CDH18: variants seen among roughly 807,000 people sequenced by gnomAD.
The protein encoded by CDH18 is cadherin-18.
CDH18 carries 31 observed loss-of-function variants against 67.9 expected under a neutral mutation model. The observed-to-expected ratio is 0.46, with a 90% confidence interval of 0.34 to 0.62. The LOEUF is 0.62. Ranked by LOEUF, CDH18 falls within the 20% of genes least tolerant of loss-of-function variation. The pLI is 0.01. For missense variants in CDH18, 890 were observed against 975.5 expected (o/e 0.91, Z 1.17); for synonymous variants, 362 against 347.2 (o/e 1.04, Z -0.48).
intron 1 of CDH18, among the ~76,000 whole-genome samples, chr5:20,404,756 G>A (rs1045145062): frequency 6.6e-6 from 1 of 152,146 alleles, no homozygotes; most frequent in Non-Finnish European, 1.5e-5. Context: ...GATATGAAGT[G>A]AGCACATGCT....
intron 1 of CDH18, among the ~76,000 whole-genome samples, chr5:20,313,621 C>T (rs569855407): frequency 7.2e-5 from 11 of 151,944 alleles, no homozygotes; most frequent in Admixed American, 2.6e-4. Flanking sequence ...AAACAGCCCC[C>T]GAAAGAGATT....
At chr5:20,060,641 A>G (rs1742387784) in intron 2 of CDH18, among the ~76,000 whole-genome samples, 1 of 152,140 alleles carries the variant, frequency 6.6e-6, no homozygotes. Context: ...AAGCATACAT[A>G]ATTTAGTAGA....
At chr5:20,162,303 T>C (rs957212155) in intron 2 of CDH18, among the ~76,000 whole-genome samples, 1 of 151,746 alleles carries the variant, frequency 6.6e-6, no homozygotes, top group African/African-American at 2.4e-5. Context: ...GTTGGTTTTC[T>C]CTTTTTAATT....
rs1330181378 is a variant in CDH18 at position 19,667,743 on chromosome 5, C to T, written c.643+53604G>A. ...TGCTTTACAAAGTTTTATATATTTT[C>T]ATATCTTCATAATGATGAAATATTT... On this transcript the variant is annotated intron_variant, in intron 5 of 12. Transcript: ENST00000382275. 4.6e-5 allele frequency among the ~76,000 whole-genome samples: 7 copies of T among 151,718 alleles called. No individual in the cohort carries two copies. The East Asian group carries it at 1.2e-3, about 25-fold the overall frequency.
At chr5:19,983,209 A>T (rs1355057314) in intron 1 of CDH18, among the ~76,000 whole-genome samples, 1 of 152,084 alleles carries the variant, frequency 6.6e-6, no homozygotes, top group Non-Finnish European at 1.5e-5. Flanking sequence ...TTTTAATATC[A>T]GGTAGACTGA....
At chr5:19,722,800 T>C (rs542163108) in intron 4 of CDH18, among the ~76,000 whole-genome samples, 9 of 152,102 alleles carry the variant, frequency 5.9e-5, no homozygotes, top group Non-Finnish European at 1.3e-4. Context: ...GTAAAAATGT[T>C]TTTACAATCA....
chr5:19,979,646 G>C (rs922467187), intron 2 of CDH18, among the ~76,000 whole-genome samples: 2 of 152,032 alleles, frequency 1.3e-5, no homozygotes, highest in Non-Finnish European at 2.9e-5. Context: ...GTCTGAAAAA[G>C]CAATAATTAT....
chr5:19,755,464 C>CACATATATATATATATATATATAT (rs1282333246), intron 3 of CDH18, among the ~76,000 whole-genome samples: 1 of 81,586 alleles, frequency 1.2e-5, no homozygotes, highest in Non-Finnish European at 2.3e-5. Context: ...TATATACACA[C>CACATATATATATATATATATATAT]ACACACACAC....
At chr5:20,301,624 G>C (rs1406083716) in intron 1 of CDH18, among the ~76,000 whole-genome samples, 2 of 152,132 alleles carry the variant, frequency 1.3e-5, no homozygotes, top group African/African-American at 4.8e-5. Flanking sequence ...CTTGAATTTT[G>C]ACTCTTCTGA....
At chr5:20,012,891 T>C (rs1010674897) in intron 2 of CDH18, among the ~76,000 whole-genome samples, 4 of 151,778 alleles carry the variant, frequency 2.6e-5, no homozygotes, top group Admixed American at 6.6e-5. Context: ...CTACACACAG[T>C]GGGGCCTATC....
At chr5:19,555,164 A>G (rs1738164041) in intron 8 of CDH18, among the ~76,000 whole-genome samples, 1 of 152,182 alleles carries the variant, frequency 6.6e-6, no homozygotes. Context: ...GGCAGGACTA[A>G]CTTGCAGCTC....
At chr5:20,417,159 T>A (rs983623340) in intron 1 of CDH18, among the ~76,000 whole-genome samples, 2 of 152,136 alleles carry the variant, frequency 1.3e-5, no homozygotes, top group Non-Finnish European at 2.9e-5. Flanking sequence ...TTGTTAGATA[T>A]TTTTTCTTTC....
chr5:19,755,427 G>GTATACATATATA (rs1373982305), intron 3 of CDH18, among the ~76,000 whole-genome samples: 18 of 44,672 alleles, frequency 4.0e-4, no homozygotes, highest in African/African-American at 1.1e-3. Context: ...AACTAACAGG[G>GTATACATATATA]TATGTATATA....
At chr5:19,652,598 C>T (rs192910430) in intron 5 of CDH18, among the ~76,000 whole-genome samples, 1 of 152,104 alleles carries the variant, frequency 6.6e-6, no homozygotes, top group African/African-American at 2.4e-5. Context: ...TCACAAAAAT[C>T]AATGCTGCAA....
At chr5:20,559,153 G>GA (rs1353760904) in intron 1 of CDH18, among the ~76,000 whole-genome samples, 2 of 151,290 alleles carry the variant, frequency 1.3e-5, no homozygotes, top group Non-Finnish European at 2.9e-5. Context: ...GTAAGTTTAA[G>GA]AAAAAAATTA....
At chr5:19,959,905 C>T (rs545512682) in intron 2 of CDH18, among the ~76,000 whole-genome samples, 103 of 152,022 alleles carry the variant, frequency 6.8e-4, no homozygotes, top group African/African-American at 2.1e-3. Flanking sequence ...TGTAATACAA[C>T]GGTAAATATT....
intron 1 of CDH18, among the ~76,000 whole-genome samples, chr5:20,334,771 C>CAG (rs1451539717): frequency 6.6e-6 from 1 of 151,584 alleles, no homozygotes; most frequent in African/African-American, 2.4e-5. Flanking sequence ...CACACACACA[C>CAG]ACACACACAC....
chr5:20,556,956 T>C (rs577409261), intron 1 of CDH18, among the ~76,000 whole-genome samples: 1 of 152,246 alleles, frequency 6.6e-6, no homozygotes, highest in South Asian at 2.1e-4. Context: ...ATAAATAATA[T>C]ACTCTGGGGA....
At chr5:19,514,036 C>T (rs1433070692) in intron 10 of CDH18, among the ~76,000 whole-genome samples, 1 of 152,118 alleles carries the variant, frequency 6.6e-6, no homozygotes, top group Non-Finnish European at 1.5e-5. Context: ...GTGATGTTCC[C>T]CACCCTGTGT....
Sources: allele counts gnomAD v4.1 joint callset (sites outside exome capture counted in the v4.1 genomes callset), GRCh38; gene constraint gnomAD v4.1.1; transcripts MANE v1.5; gene names NCBI Gene and HGNC (gene_info 2026-07-23, HGNC 2026-07-21).